TAMM41: variants seen among roughly 807,000 people sequenced by gnomAD.
The protein encoded by TAMM41 is TAM41 mitochondrial translocator assembly and maintenance homolog, also known as phosphatidate cytidylyltransferase, mitochondrial.
TAMM41 carries 36 observed loss-of-function variants against 44.1 expected under a neutral mutation model. The ratio of observed to expected loss-of-function variants is 0.82; its 90% CI spans 0.63 to 1.08. TAMM41 has a LOEUF of 1.08. Ranked by LOEUF, TAMM41 falls within the 50% of genes least tolerant of loss-of-function variation. The probability of loss-of-function intolerance (pLI) is 0.00; values close to 1 mark genes in which losing one functional copy is unlikely to be tolerated. For synonymous variants in TAMM41, 164 were observed against 153.1 expected, an observed-to-expected ratio of 1.07 and a Z score of -0.53; for missense variants, 417 against 404.3, an observed-to-expected ratio of 1.03 and a Z score of -0.27.
intron 5 of TAMM41, among the ~76,000 whole-genome samples, chr3:11,815,686 G>A (rs183651219): frequency 6.6e-6 from 1 of 152,278 alleles, no homozygotes; most frequent in Admixed American, 6.5e-5. Context: ...ATGTGTGTGA[G>A]TGTGTAATTG....
At chr3:11,753,014 C>G in the TAMM41 span, among the ~76,000 whole-genome samples, 11 of 151,980 alleles carry the variant, frequency 7.2e-5, no homozygotes, top group African/African-American at 2.2e-4. Context: ...GAGTACATGT[C>G]CGAAGGGGTT....
At chr3:11,795,535 T>C (rs1226368825) in intron 7 of TAMM41, among the ~76,000 whole-genome samples, 1 of 152,232 alleles carries the variant, frequency 6.6e-6, no homozygotes, top group Non-Finnish European at 1.5e-5. Flanking sequence ...TCCCTCGCAA[T>C]AGGTTTACTG....
chr3:11,769,355 A>ATTTTT, the TAMM41 span, among the ~76,000 whole-genome samples: 2 of 132,904 alleles, frequency 1.5e-5, no homozygotes, highest in Non-Finnish European at 3.2e-5. Flanking sequence ...CTCCCAAGAG[A>ATTTTT]TTTTTTTTTT....
At chr3:11,785,958 T>C (rs1335981952), downstream of TAMM41, among the ~76,000 whole-genome samples, 1 of 152,208 alleles carries the variant, frequency 6.6e-6, no homozygotes, top group East Asian at 1.9e-4. Context: ...CTGGCAGCTC[T>C]AGCAGTGGCA....
rs565699191 is a variant in TAMM41 at position 11,792,815 on chromosome 3, A to G, written c.938-2234T>C. 1.3e-3 allele frequency among the ~76,000 whole-genome samples: 201 copies of G among 152,250 alleles called. 1 individual carries two copies. The highest frequency in any genetic ancestry group is 0.01 in the Middle Eastern group (3 of 294). On this transcript the variant is annotated intron_variant, in intron 7 of 7. Transcript: ENST00000455809. ...CATGGCTTACAGCCATAATCCCAACACTTAGGGAGGCCGAGGCGGGCAGAC... is the reference window on the plus strand; with the variant it reads ...CATGGCTTACAGCCATAATCCCAACGCTTAGGGAGGCCGAGGCGGGCAGAC...
At chr3:11,842,260 T>C (rs1311394877) in intron 2 of TAMM41, among the ~76,000 whole-genome samples, 1 of 151,664 alleles carries the variant, frequency 6.6e-6, no homozygotes, top group East Asian at 1.9e-4. Flanking sequence ...ATGATTACAG[T>C]AGTGGGCTCT....
intron 3 of TAMM41, among the ~76,000 whole-genome samples, chr3:11,834,114 C>T (rs547419989): frequency 1.3e-4 from 20 of 152,094 alleles, no homozygotes; most frequent in African/African-American, 4.3e-4. Flanking sequence ...CATGGTGGCA[C>T]GTGCCTATAG....
chr3:11,786,306 TA>T (rs1478924077), downstream of TAMM41, among the ~76,000 whole-genome samples: 67 of 147,516 alleles, frequency 4.5e-4, no homozygotes, highest in African/African-American at 1.6e-3. Context: ...TTATTATTAT[TA>T]TTATTATTAT....
chr3:11,832,329 G>A (rs1319456049), intron 3 of TAMM41, among the ~76,000 whole-genome samples: 1 of 151,784 alleles, frequency 6.6e-6, no homozygotes, highest in Non-Finnish European at 1.5e-5. Flanking sequence ...TGTTGAATTT[G>A]CTGCCACATG....
the TAMM41 span, among the ~76,000 whole-genome samples, chr3:11,769,383 G>A: frequency 7.1e-6 from 1 of 141,670 alleles, no homozygotes; most frequent in East Asian, 2.1e-4. Flanking sequence ...TTTGTAAGCA[G>A]AAGAGTGGTG....
chr3:11,820,049 A>C (rs1283284292), intron 4 of TAMM41, among the ~76,000 whole-genome samples: 1 of 152,070 alleles, frequency 6.6e-6, no homozygotes, highest in Non-Finnish European at 1.5e-5. Flanking sequence ...CATTTCCCTC[A>C]CTTCTATAAT....
intron 4 of TAMM41, among the ~76,000 whole-genome samples, chr3:11,820,680 G>C (rs938583245): frequency 6.6e-6 from 1 of 152,154 alleles, no homozygotes; most frequent in African/African-American, 2.4e-5. Context: ...AACATCATGG[G>C]CACAGCACGA....
chr3:11,813,209 C>A (rs1575641819), intron 5 of TAMM41, among the ~76,000 whole-genome samples: 1 of 152,138 alleles, frequency 6.6e-6, no homozygotes, highest in Non-Finnish European at 1.5e-5. Context: ...TCTACAGACA[C>A]TGATATTTGA....
chr3:11,816,703 G>A (rs941290760), intron 5 of TAMM41, among the ~76,000 whole-genome samples: 1 of 151,982 alleles, frequency 6.6e-6, no homozygotes, highest in Non-Finnish European at 1.5e-5. Context: ...GCTGGGGGGT[G>A]TTGAGGCTGC....
the TAMM41 span, among the ~76,000 whole-genome samples, chr3:11,779,245 C>A: frequency 6.6e-6 from 1 of 152,164 alleles, no homozygotes; most frequent in Non-Finnish European, 1.5e-5. Flanking sequence ...GATGCAGATG[C>A]CCAATCTTGA....
chr3:11,754,664 C>A, the TAMM41 span, among the ~76,000 whole-genome samples: 1 of 151,388 alleles, frequency 6.6e-6, no homozygotes, highest in Non-Finnish European at 1.5e-5. Flanking sequence ...GCCACTACAT[C>A]CAACCACTAA....
At chr3:11,781,776 AATAATC>A in the TAMM41 span, among the ~76,000 whole-genome samples, 573 of 39,614 alleles carry the variant, frequency 0.014, 6 homozygotes, top group African/African-American at 0.054. Flanking sequence ...TAATAATAAT[AATAATC>A]ATACAAATAA....
the TAMM41 span, among the ~76,000 whole-genome samples, chr3:11,729,984 G>C: frequency 2.0e-5 from 3 of 152,200 alleles, no homozygotes; most frequent in Non-Finnish European, 2.9e-5. Context: ...TGCACGGGCA[G>C]TGCAACACTA....
intron 5 of TAMM41, among the ~76,000 whole-genome samples, chr3:11,814,517 A>AGG (rs1196777265): frequency 7.2e-5 from 11 of 152,242 alleles, no homozygotes; most frequent in Middle Eastern, 3.4e-3. Flanking sequence ...AGAGAGAGAG[A>AGG]GAGAAAGGAA....
Sources: allele counts gnomAD v4.1 joint callset (sites outside exome capture counted in the v4.1 genomes callset), GRCh38; gene constraint gnomAD v4.1.1; transcripts MANE v1.5; gene names NCBI Gene and HGNC (gene_info 2026-07-23, HGNC 2026-07-21).